The following GRM7 variants were observed in gnomAD, a reference collection of about 807,000 sequenced individuals.
GRM7 encodes glutamate metabotropic receptor 7, also known as metabotropic glutamate receptor 7.
GRM7 carries 35 observed loss-of-function variants against 84.5 expected under a neutral mutation model. That is an observed-to-expected ratio of 0.41 (90% CI 0.32 to 0.55). GRM7 has a LOEUF of 0.55. Among genes scored for constraint, GRM7 ranks in the 20% least tolerant of loss-of-function variants. The pLI is 0.19. For synonymous variants in GRM7, 487 were observed against 455.1 expected (o/e 1.07, Z -0.89); for missense variants, 1,003 against 1,194.6 (o/e 0.84, Z 2.36).
At chr3:7,323,681 T>G (rs1322146357) in intron 4 of GRM7, among the ~76,000 whole-genome samples, 1 of 152,190 alleles carries the variant, frequency 6.6e-6, no homozygotes, top group Non-Finnish European at 1.5e-5. Flanking sequence ...ATTTGCCAAG[T>G]CAATGGCCAC....
At chr3:6,891,653 G>A (rs1213308928) in intron 1 of GRM7, among the ~76,000 whole-genome samples, 2 of 152,076 alleles carry the variant, frequency 1.3e-5, no homozygotes, top group African/African-American at 4.8e-5. Flanking sequence ...TTTCTCTCTG[G>A]CTGCCCTTAA....
chr3:7,275,218 G>A (rs976212538), intron 2 of GRM7, among the ~76,000 whole-genome samples: 7 of 152,092 alleles, frequency 4.6e-5, no homozygotes, highest in African/African-American at 1.7e-4. Flanking sequence ...AGCACCTTCA[G>A]TTAATTATAG....
rs1575009384 is a variant in GRM7 at position 7,188,638 on chromosome 3, G to A, written c.736+41970G>A. Among the ~76,000 whole-genome samples, 2 of 152,142 alleles carry A rather than the reference G, an allele frequency of 1.3e-5. No homozygotes were observed. The highest frequency in any genetic ancestry group is 2.9e-5 in the Non-Finnish European group (2 of 68,020). On this transcript the variant is annotated intron_variant, in intron 2 of 9. Coordinates refer to ENST00000357716, the MANE Select transcript of GRM7 (RefSeq NM_000844.4). This position sits in a 1 kb window ranked among gnomAD's most constrained non-coding sequence, Gnocchi z 4.2. ...GGATCTACTTGAGTGTATAAGGGTT[G>A]GGGAGACAGTGGTGACACATAGATC...
chr3:6,908,929 AT>A (rs374904290), intron 1 of GRM7, among the ~76,000 whole-genome samples: 1 of 151,990 alleles, frequency 6.6e-6, no homozygotes, highest in African/African-American at 2.4e-5. Flanking sequence ...CCCTTTTGCA[AT>A]TTTTTCTCCC....
chr3:7,516,544 C>G (rs1007925500), intron 7 of GRM7, among the ~76,000 whole-genome samples: 1 of 135,220 alleles, frequency 7.4e-6, no homozygotes, highest in Non-Finnish European at 1.6e-5. Flanking sequence ...AGAAATGGAA[C>G]GTCAGGGGTA....
chr3:7,098,084 C>A (rs1198691932), intron 1 of GRM7, among the ~76,000 whole-genome samples: 2 of 152,062 alleles, frequency 1.3e-5, no homozygotes, highest in East Asian at 3.8e-4. Flanking sequence ...AAAATTGAAA[C>A]TGATTACCCA....
At chr3:7,027,720 G>A (rs6803346) in intron 1 of GRM7, among the ~76,000 whole-genome samples, 68,886 of 151,920 alleles carry the variant, frequency 0.45, 16,649 homozygotes, top group South Asian at 0.59. Flanking sequence ...GAGAAATTAC[G>A]TATTTCTATG....
chr3:7,091,376 T>C (rs1227302449), intron 1 of GRM7, among the ~76,000 whole-genome samples: 1 of 152,184 alleles, frequency 6.6e-6, no homozygotes, highest in Non-Finnish European at 1.5e-5. Context: ...ACATCATTTC[T>C]ACCATTTGAT....
chr3:7,616,042 A>G (rs1697064428), intron 8 of GRM7, among the ~76,000 whole-genome samples: 1 of 152,074 alleles, frequency 6.6e-6, no homozygotes, highest in African/African-American at 2.4e-5. Flanking sequence ...TACTCAGTAG[A>G]AAGGTTGATC....
chr3:7,270,223 T>C (rs1698803210), intron 2 of GRM7, among the ~76,000 whole-genome samples: 1 of 150,124 alleles, frequency 6.7e-6, no homozygotes, highest in East Asian at 2.0e-4. Flanking sequence ...TCTTTCCAGT[T>C]TTTTATCACA....
rs143968295 is a variant in GRM7, at chr3:7,648,237, T to C, written c.2452-31812T>C. Among the ~76,000 whole-genome samples the C allele has an allele frequency of 1.4e-3, 196 of 144,210 alleles. 3 individuals carry two copies. The East Asian group carries it at 0.018, about 13-fold the overall frequency. The allele number at this position is 144,210 out of a possible 152,430, so 94.6% of individuals were successfully genotyped here. On this transcript the variant is annotated intron_variant, in intron 8 of 9. Transcript: ENST00000357716. ...TTAATATGGCTATTATTTTAATTAG[T>C]GCTATAAATAGTTTTTTTTTTATGT...
chr3:7,122,848 T>C (rs1023227259), intron 1 of GRM7, among the ~76,000 whole-genome samples: 1 of 152,124 alleles, frequency 6.6e-6, no homozygotes, highest in Non-Finnish European at 1.5e-5. Flanking sequence ...AAAAAGCAAA[T>C]GGTGAAAGCA....
chr3:7,020,443 G>T (rs1695735500), intron 1 of GRM7, among the ~76,000 whole-genome samples: 1 of 152,118 alleles, frequency 6.6e-6, no homozygotes, highest in Non-Finnish European at 1.5e-5. Flanking sequence ...ATGCAAAATG[G>T]CAGAACCTGC....
At chr3:7,443,006 TTTTTA>T (rs1293765942) in intron 5 of GRM7, among the ~76,000 whole-genome samples, 5 of 150,988 alleles carry the variant, frequency 3.3e-5, no homozygotes, top group Non-Finnish European at 7.4e-5. Context: ...TTGATCTTCT[TTTTTA>T]TTTTCCTCAT....
At chr3:7,456,608 A>T (rs976280777) in intron 6 of GRM7, among the ~76,000 whole-genome samples, 2 of 151,812 alleles carry the variant, frequency 1.3e-5, no homozygotes, top group Non-Finnish European at 2.9e-5. Context: ...AGTTGCTGAG[A>T]GGAAGGGCTT....
chr3:7,345,298 A>G (rs1438649848), intron 4 of GRM7, among the ~76,000 whole-genome samples: 2 of 150,372 alleles, frequency 1.3e-5, no homozygotes, highest in Admixed American at 1.3e-4. Flanking sequence ...TCTTTGAGAC[A>G]GAGTCTCACT....
intron 7 of GRM7, among the ~76,000 whole-genome samples, chr3:7,478,255 C>T (rs556759357): frequency 6.6e-6 from 1 of 152,126 alleles, no homozygotes; most frequent in Non-Finnish European, 1.5e-5. Context: ...ACCCACTGAC[C>T]TGTTGAAAAA....
At chr3:7,343,538 A>G (rs191957440) in intron 4 of GRM7, among the ~76,000 whole-genome samples, 25 of 151,898 alleles carry the variant, frequency 1.6e-4, no homozygotes, top group African/African-American at 5.3e-4. Flanking sequence ...TTTGCATACT[A>G]TGGTACAAAT....
intron 1 of GRM7, among the ~76,000 whole-genome samples, chr3:6,972,809 A>G (rs975624632): frequency 2.6e-5 from 4 of 152,174 alleles, no homozygotes; most frequent in Admixed American, 6.5e-5. Flanking sequence ...GCTTGACTTT[A>G]TCTCAAAAGC....
Sources: allele counts gnomAD v4.1 joint callset (sites outside exome capture counted in the v4.1 genomes callset), GRCh38; gene constraint gnomAD v4.1.1; non-coding constraint Gnocchi (gnomAD v3.1); transcripts MANE v1.5; gene names NCBI Gene and HGNC (gene_info 2026-07-23, HGNC 2026-07-21).